Variants in MVP observed in about 807,000 individuals in gnomAD.
MVP encodes the protein lung resistance-related protein.
In MVP, 62 loss-of-function variants were observed where a neutral mutation model predicts 83.5. The ratio of observed to expected loss-of-function variants is 0.74; its 90% CI spans 0.61 to 0.92. The LOEUF (loss-of-function observed/expected upper bound fraction) is 0.92. MVP is among the 40% of genes least tolerant of loss of function. The pLI is 0.00. For missense variants in MVP, 1,000 were observed against 1,203.4 expected, an observed-to-expected ratio of 0.83 and a Z score of 2.50; for synonymous variants, 505 against 504.1, an observed-to-expected ratio of 1.00 and a Z score of -0.02.
chr16:29,833,650 T>G, intron 3 of MVP, 83 bp from the exon 4 acceptor site: 1 of 1,582,122 alleles, frequency 6.3e-7, no homozygotes, highest in Non-Finnish European at 8.6e-7. Context: ...AGATGGATGT[T>G]GTGGACCCGC....
intron 5 of MVP, 58 bp from the exon 6 acceptor site, chr16:29,835,646 G>C (rs2067480109): frequency 1.2e-5 from 17 of 1,406,020 alleles, no homozygotes; most frequent in Non-Finnish European, 1.7e-5. Context: ...TGTGGGGGAG[G>C]GGTAGGTGGG....
At chr16:29,823,558 T>C (rs1203071240) in intron 1 of MVP, among the ~76,000 whole-genome samples, 5 of 151,380 alleles carry the variant, frequency 3.3e-5, no homozygotes, top group Non-Finnish European at 7.4e-5. Context: ...CCTGGATATA[T>C]ATTAAGAGTC....
At chr16:29,833,609 C>T (rs2067461885) in intron 3 of MVP, 124 bp from the exon 4 acceptor site, 4 of 1,355,798 alleles carry the variant, frequency 3.0e-6, no homozygotes, top group Non-Finnish European at 3.0e-6. Flanking sequence ...TGTGCCCGGC[C>T]TCCACCCCAG....
chr16:29,842,085 G>A lies in MVP; in HGVS notation c.1607G>A (p.Arg536Lys). 6.2e-7 allele frequency: 1 copy of A among 1,605,258 alleles called. No individual in the cohort carries two copies. ...ACCATCGAAACGGCGGATCATGCCA[G>A]GCTGCAACTGCAGCTGGCCTACAAC... ...VITIETADHA[R>K]LQLQLAYNWH... Residue 536 changes from arginine to lysine, a missense_variant, in exon 10 of 15, where the codon AGG becomes AAG. Transcript: ENST00000357402.
At chr16:29,846,419 G>C (rs1243376247) in intron 13 of MVP, 135 bp downstream of exon 13, 1 of 1,318,306 alleles carries the variant, frequency 7.6e-7, no homozygotes, top group Non-Finnish European at 1.0e-6. Flanking sequence ...CATTTGCAAA[G>C]TCCTTTGCCT....
At position 29,844,746 on chromosome 16, in the gene MVP, C is replaced by A. The variant is rs1012547196; in HGVS notation, c.1888C>A (p.Gln630Lys). Reference sequence around the variant, plus strand: ...GCCCCGGGACCAGGCTGTCTTCCCCCAAAACGGGCTGGTGGTCAGCAGTGT... The same window carrying A: ...GCCCCGGGACCAGGCTGTCTTCCCCAAAAACGGGCTGGTGGTCAGCAGTGT... ...PRPRDQAVFP[Q>K]NGLVVSSVDV... Residue 630 changes from glutamine (Q) to lysine (K), a missense_variant, in exon 11 of 15, where the codon CAA becomes AAA. Gln to Lys is a moderately conservative substitution (Grantham distance 53, BLOSUM62 1). Transcript: ENST00000357402. 6.2e-7 allele frequency: 1 copy of A among 1,612,768 alleles called. No individual in the cohort carries two copies. Among genetic ancestry groups the A allele is most frequent in the African/African-American group, 1.3e-5 (1 of 75,080 alleles).
chr16:29,824,746 T>C (rs2067393358), intron 1 of MVP, among the ~76,000 whole-genome samples: 1 of 151,716 alleles, frequency 6.6e-6, no homozygotes, highest in Non-Finnish European at 1.5e-5. Flanking sequence ...TGGGCTACAG[T>C]CTCCAAAAAA....
At chr16:29,831,519 C>T (rs886766547) in intron 3 of MVP, 10 of 441,878 alleles carry the variant, frequency 2.3e-5, no homozygotes, top group Admixed American at 1.9e-4. Context: ...CACTTGCTGG[C>T]TCTCACCAAG....
chr16:29,834,095 G>C (rs1330639960), intron 5 of MVP, 29 bp downstream of exon 5: 1 of 1,608,140 alleles, frequency 6.2e-7, no homozygotes, highest in South Asian at 1.1e-5. Flanking sequence ...GATGATGGTG[G>C]GTGGGCAGGA....
intron 7 of MVP, among the ~76,000 whole-genome samples, chr16:29,837,883 A>G (rs1340839206): frequency 1.3e-5 from 2 of 152,180 alleles, no homozygotes; most frequent in Non-Finnish European, 2.9e-5. Flanking sequence ...CATCTTTTGT[A>G]AAATAAACCT....
intron 1 of MVP, chr16:29,829,665 G>T (rs549241788): frequency 6.6e-6 from 1 of 152,312 alleles, no homozygotes; most frequent in African/African-American, 2.4e-5. Flanking sequence ...AGAAGCAGGT[G>T]GGATGGGTGG....
rs1263039301 is a variant in MVP, at chr16:29,830,942, C to A, written c.190C>A (p.Pro64Thr). The A allele has an allele frequency of 1.2e-6, 2 of 1,614,072 alleles. No homozygotes were observed. The highest frequency in any genetic ancestry group is 1.1e-5 in the South Asian group (1 of 91,074). Reference sequence around the variant, plus strand: ...ACGTCACTACTGCACAGTGGCCAACCCTGTGTCTCGGGATGCCCAGGGCTT... The same window carrying A: ...ACGTCACTACTGCACAGTGGCCAACACTGTGTCTCGGGATGCCCAGGGCTT... Reference protein sequence around the residue: ...PPRHYCTVANPVSRDAQGLVL... With the variant: ...PPRHYCTVANTVSRDAQGLVL... Residue 64 changes from proline (P) to threonine (T), a missense_variant, in exon 3 of 15, where the codon CCT (proline) becomes ACT (threonine). Transcript: ENST00000357402.
At chr16:29,846,624 G>A (rs917775440) in intron 13 of MVP, among the ~76,000 whole-genome samples, 13 of 152,192 alleles carry the variant, frequency 8.5e-5, no homozygotes, top group Non-Finnish European at 1.0e-4. Flanking sequence ...TTGGGAGGCC[G>A]AGGCGGGTGG....
chr16:29,841,666 C>T lies in MVP; in HGVS notation c.1262C>T (p.Pro421Leu), dbSNP rs1567394388. The change falls in exon 9 of 15, where the codon CCC (proline) becomes CTC (leucine). Residue 421 changes from proline (P) to leucine (L), a missense_variant. Coordinates refer to ENST00000357402, the MANE Select transcript of MVP (RefSeq NM_005115.5). This position sits in a 1 kb window ranked among gnomAD's most constrained non-coding sequence, Gnocchi z 4.7. Reference protein sequence around the residue: ...DEVLWEKELPPGVEELLNKGQ... With the variant: ...DEVLWEKELPLGVEELLNKGQ... ...GTCCTGTGGGAGAAAGAGCTGCCTC[C>T]CGGGGTGGAGGAGCTGCTGAACAAG... The T allele has an allele frequency of 6.2e-7, 1 of 1,611,698 alleles. No individual in the cohort carries two copies. The highest frequency in any genetic ancestry group is 1.3e-5 in the African/African-American group (1 of 74,880).
intron 7 of MVP, 158 bp from the exon 8 acceptor site, chr16:29,840,020 C>T: frequency 1.5e-6 from 1 of 669,064 alleles, no homozygotes; most frequent in East Asian, 2.8e-5. Context: ...CCTCACAGTC[C>T]AGACAGTGCC....
intron 8 of MVP, among the ~76,000 whole-genome samples, chr16:29,840,783 G>GT (rs2067528627): frequency 6.6e-6 from 1 of 152,070 alleles, no homozygotes; most frequent in Admixed American, 6.6e-5. Context: ...TCTACTAAAA[G>GT]TACAAACATT....
At chr16:29,834,135 A>G (rs2067467145) in intron 5 of MVP, 69 bp downstream of exon 5, 1 of 1,569,122 alleles carries the variant, frequency 6.4e-7, no homozygotes, top group Non-Finnish European at 8.7e-7. Context: ...AAGCAGGGGA[A>G]GGTTGAGGAA....
chr16:29,826,346 A>G (rs1422615530), intron 1 of MVP, among the ~76,000 whole-genome samples: 3 of 152,226 alleles, frequency 2.0e-5, no homozygotes, highest in Non-Finnish European at 4.4e-5. Flanking sequence ...AGATCCAGGC[A>G]TCCTGGCTGG....
At chr16:29,820,687 C>G (rs2150747965) in intron 1 of MVP, among the ~76,000 whole-genome samples, 177 bp downstream of exon 1, 1 of 152,270 alleles carries the variant, frequency 6.6e-6, no homozygotes, top group East Asian at 1.9e-4. Context: ...TTGGAGGTTT[C>G]ACTTTCCAAT....
Sources: gnomAD v4.1 joint callset for allele counts (sites outside exome capture counted in the v4.1 genomes callset) on GRCh38, gnomAD v4.1.1 for gene constraint, Gnocchi (gnomAD v3.1) non-coding constraint, MANE v1.5 for transcripts, NCBI Gene and HGNC (gene_info 2026-07-23, HGNC 2026-07-21) for gene names.